Variants in MAP7D1 observed in about 807,000 individuals in gnomAD.
MAP7D1 encodes the protein MAP7 domain-containing protein 1.
A neutral mutation model predicts 97.5 loss-of-function variants in MAP7D1; 30 were observed. The observed-to-expected ratio is 0.31, with a 90% CI of 0.23 to 0.42. The LOEUF is 0.42. Among genes scored for constraint, MAP7D1 ranks in the 10% least tolerant of loss-of-function variants. The probability of loss-of-function intolerance (pLI) is 1.00; values close to 1 mark genes in which losing one functional copy is unlikely to be tolerated. For synonymous variants in MAP7D1, 536 were observed against 477.1 expected, an observed-to-expected ratio of 1.12 and a Z score of -1.61; for missense variants, 1,184 against 1,179.5, an observed-to-expected ratio of 1.00 and a Z score of -0.06.
intron 1 of MAP7D1, among the ~76,000 whole-genome samples, chr1:36,158,909 T>C (rs1313903102): frequency 3.9e-5 from 6 of 152,332 alleles, no homozygotes; most frequent in African/African-American, 1.2e-4. Flanking sequence ...TTTGCTCATC[T>C]GTAAAATGAG....
At chr1:36,161,755 G>A (rs1644411687) in intron 1 of MAP7D1, among the ~76,000 whole-genome samples, 1 of 152,056 alleles carries the variant, frequency 6.6e-6, no homozygotes, top group East Asian at 1.9e-4. Flanking sequence ...TGTCTCTGAG[G>A]CTTTGTCTGT....
At position 36,180,661 on chromosome 1, in the gene MAP7D1, G is replaced by A. The variant is rs947153646; in HGVS notation, c.*403G>A. 3 of 251,120 alleles carry A rather than the reference G, an allele frequency of 1.2e-5. No homozygotes were observed. Among genetic ancestry groups the A allele is most frequent in the Non-Finnish European group, 2.3e-5 (3 of 128,482 alleles). The allele number at this position is 251,120 out of a possible 1,614,324, so 15.6% of individuals were successfully genotyped here. On this transcript the variant is annotated 3_prime_UTR_variant, in exon 17 of 17. Coordinates refer to ENST00000474796, the MANE Select transcript of MAP7D1 (RefSeq NM_001388490.1). ...GCAGGAGGCAGACCCTCCCCCCAAA[G>A]CCCCCTGGGGAGATCTTCCTCTCTC... is the stretch of plus-strand genomic sequence containing the variant.
intron 1 of MAP7D1, among the ~76,000 whole-genome samples, chr1:36,156,887 A>T (rs904018397): frequency 2.0e-5 from 3 of 151,260 alleles, no homozygotes; most frequent in Non-Finnish European, 2.9e-5. Flanking sequence ...TCGGGGGTCC[A>T]TATTCTCAGG....
In MAP7D1 at chr1:36,177,903, C is replaced by T. The variant is rs990801354; in HGVS notation, c.1410C>T (p.Pro470=). The stretch of plus-strand genomic sequence containing the variant: ...AATCCAAGGCCAGGCCATCCTCTCC[C>T]TCCACATCCTGGCACAGGCCTGCCT... ...SPKSKARPSS[P]STSWHRPASP... Residue 470 remains proline, a synonymous_variant, in exon 9 of 17, where the codon CCC becomes CCT. Transcript: ENST00000474796. 2.6e-6 allele frequency: 4 copies of T among 1,547,952 alleles called. No individual in the cohort carries two copies. In the African/African-American group the frequency reaches 4.1e-5, roughly 16 times the overall value.
chr1:36,175,423 T>G (rs988804884), intron 6 of MAP7D1, among the ~76,000 whole-genome samples: 6 of 152,220 alleles, frequency 3.9e-5, no homozygotes, highest in African/African-American at 1.4e-4. Flanking sequence ...GGGTCCCTCA[T>G]TCTGGCTCCA....
chr1:36,179,473 C>T (rs771627721), intron 13 of MAP7D1, 42 bp from the exon 14 acceptor site: 6 of 1,577,530 alleles, frequency 3.8e-6, no homozygotes, highest in Admixed American at 3.7e-5. Context: ...TGGCTGGGGC[C>T]GGCTGTCCCT....
intron 1 of MAP7D1, among the ~76,000 whole-genome samples, chr1:36,165,729 CTT>C (rs34713399): frequency 1.5e-4 from 18 of 118,248 alleles, no homozygotes; most frequent in African/African-American, 9.8e-5. Context: ...CAGTTTGTAG[CTT>C]TTTTTTTTTT....
chr1:36,174,689 C>T (rs894219695), intron 5 of MAP7D1, among the ~76,000 whole-genome samples: 8 of 151,940 alleles, frequency 5.3e-5, no homozygotes, highest in Admixed American at 2.6e-4. Context: ...GTTCCTTCTC[C>T]GTCGGCTCCC....
chr1:36,170,658 C>T (rs1644529059), intron 1 of MAP7D1, among the ~76,000 whole-genome samples: 1 of 152,210 alleles, frequency 6.6e-6, no homozygotes, highest in South Asian at 2.1e-4. Flanking sequence ...TTGGTTGTTA[C>T]TTCTTCAGCA....
In MAP7D1 at chr1:36,179,540, C is replaced by A. The variant is rs1644686378; in HGVS notation, c.2210C>A (p.Ala737Asp). ...TKKQDSKEANANGSSPEPVKA... is the reference protein window; with the variant it reads ...TKKQDSKEANDNGSSPEPVKA... ...AAGCAGGACAGCAAGGAGGCCAACG[C>A]CAACGGTTCCAGCCCAGGTAAAGCC... is the stretch of plus-strand genomic sequence containing the variant. The change falls in exon 14 of 17, where the codon GCC becomes GAC. Residue 737 changes from alanine to aspartate, a missense_variant. Physicochemically the swap from Ala to Asp is moderately radical, Grantham distance 126. Transcript: ENST00000474796. 1 of 1,573,590 alleles carries A rather than the reference C, an allele frequency of 6.4e-7. No individual in the cohort carries two copies. The highest frequency in any genetic ancestry group is 1.3e-5 in the African/African-American group (1 of 74,298).
chr1:36,158,848 C>G (rs925628778), intron 1 of MAP7D1, among the ~76,000 whole-genome samples: 1 of 152,134 alleles, frequency 6.6e-6, no homozygotes, highest in African/African-American at 2.4e-5. Flanking sequence ...GTCTCCACTT[C>G]GTAACTTACC....
At chr1:36,160,357 G>A (rs879391836) in intron 1 of MAP7D1, among the ~76,000 whole-genome samples, 2 of 152,114 alleles carry the variant, frequency 1.3e-5, no homozygotes, top group Admixed American at 6.5e-5. Context: ...CCTTACTAGC[G>A]CTCCTCAGCA....
chr1:36,160,521 C>T (rs140237269), intron 1 of MAP7D1, among the ~76,000 whole-genome samples: 23 of 152,330 alleles, frequency 1.5e-4, no homozygotes, highest in Non-Finnish European at 1.9e-4. Flanking sequence ...TCATTTGTTC[C>T]TCACCACAGT....
Position 36,178,582 on chromosome 1 carries a change from G to A in MAP7D1, c.1872G>A (p.Gln624=). ...REREEQERRL[Q]AERDKRMREE... is the part of the protein sequence containing the mutation. ...GCGAGGAGCAGGAGCGGAGGCTGCA[G>A]GCAGAAAGGGACAAGTGAGTGCGCC... The change falls in exon 10 of 17, where the codon CAG becomes CAA. Residue 624 remains glutamine, a synonymous_variant. Coordinates refer to ENST00000474796, the MANE Select transcript of MAP7D1 (RefSeq NM_001388490.1). The A allele has an allele frequency of 6.3e-7, 1 of 1,583,518 alleles. No homozygotes were observed. The highest frequency in any genetic ancestry group is 1.7e-4 in the Middle Eastern group (1 of 5,854).
intron 1 of MAP7D1, among the ~76,000 whole-genome samples, chr1:36,165,667 T>C (rs748608333): frequency 6.6e-6 from 1 of 151,390 alleles, no homozygotes; most frequent in Non-Finnish European, 1.5e-5. Context: ...TCCTCCTGTC[T>C]GGGTCTCCCA....
chr1:36,179,207 A>T (rs1001709939), intron 12 of MAP7D1, 55 bp from the exon 13 acceptor site: 1 of 1,593,296 alleles, frequency 6.3e-7, no homozygotes, highest in South Asian at 1.1e-5. Context: ...GGCTGGTGGG[A>T]GGTTTAGGAT....
Position 36,156,259 on chromosome 1 carries a change from C to T in MAP7D1, c.-159C>T. The T allele has an allele frequency of 2.0e-6, 1 of 492,258 alleles. No individual in the cohort carries two copies. The allele number at this position is 492,258 out of a possible 1,614,324, so 30.5% of individuals were successfully genotyped here. On this transcript the variant is annotated 5_prime_UTR_variant, in exon 1 of 17. Coordinates refer to ENST00000474796, the MANE Select transcript of MAP7D1 (RefSeq NM_001388490.1). ...GACCGGCACCTCCGAGACTCGCGGG[C>T]CACCTGCCTCGACCTTCCCCGGAGC...
chr1:36,161,123 G>T (rs1644403090), intron 1 of MAP7D1, among the ~76,000 whole-genome samples: 1 of 152,358 alleles, frequency 6.6e-6, no homozygotes, highest in South Asian at 2.1e-4. Context: ...AGCTCCTTCA[G>T]ATCTGTAGTC....
Position 36,176,749 on chromosome 1 carries a change from G to C in MAP7D1, c.1286G>C (p.Ser429Thr). Residue 429 changes from serine to threonine, a missense_variant, in exon 8 of 17, where the codon AGT becomes ACT. Ser to Thr is a moderately conservative substitution (Grantham distance 58, BLOSUM62 1). Coordinates refer to ENST00000474796, the MANE Select transcript of MAP7D1 (RefSeq NM_001388490.1). The surrounding 1 kb of genome is among the most constrained non-coding windows in gnomAD (Gnocchi z 6.1). ...DKERENEKEKSALARERSLKK... is the reference protein window; with the variant it reads ...DKERENEKEKTALARERSLKK... ...GAGCGGGAAAACGAGAAGGAGAAGA[G>C]TGCCCTAGCCCGGGAGCGCAGCCTC... 3.7e-6 allele frequency: 6 copies of C among 1,604,716 alleles called. No homozygotes were observed. Among genetic ancestry groups the C allele is most frequent in the Non-Finnish European group, 5.1e-6 (6 of 1,176,326 alleles).
Sources: allele counts gnomAD v4.1 joint callset (sites outside exome capture counted in the v4.1 genomes callset), GRCh38; gene constraint gnomAD v4.1.1; non-coding constraint Gnocchi (gnomAD v3.1); transcripts MANE v1.5; gene names NCBI Gene and HGNC (gene_info 2026-07-23, HGNC 2026-07-21).